The following MDH2 variants were observed in gnomAD, a reference collection of about 807,000 sequenced individuals.
The protein encoded by MDH2 is malate dehydrogenase, mitochondrial.
In MDH2, 25 loss-of-function variants were observed where a neutral mutation model predicts 33.6. The observed-to-expected ratio is 0.74, with a 90% CI of 0.54 to 1.04. The LOEUF is 1.04. Among genes scored for constraint, MDH2 ranks in the 50% least tolerant of loss-of-function variants. The probability of loss-of-function intolerance (pLI) is 0.00; values close to 1 mark genes in which losing one functional copy is unlikely to be tolerated. For missense variants in MDH2, 432 were observed against 445.0 expected, an observed-to-expected ratio of 0.97 and a Z score of 0.26; for synonymous variants, 193 against 188.7, an observed-to-expected ratio of 1.02 and a Z score of -0.19.
intron 4 of MDH2, 25 bp downstream of exon 4, chr7:76,058,103 T>A: frequency 6.3e-7 from 1 of 1,597,848 alleles, no homozygotes; most frequent in Non-Finnish European, 8.5e-7. Flanking sequence ...ACCCGGCTCT[T>A]GCAGCTATGG....
In MDH2 at chr7:76,064,819, A is replaced by G. The variant is rs782408477; in HGVS notation, c.751A>G (p.Met251Val). The stretch of plus-strand genomic sequence containing the variant: ...CCCCCTAGGCTCTGCCACCCTCTCC[A>G]TGGCGTATGCCGGCGCCCGCTTTGT... ...KAGAGSATLS[M>V]AYAGARFVFS... Residue 251 changes from methionine (M) to valine (V), a missense_variant, in exon 8 of 9, where the codon ATG becomes GTG. Coordinates refer to ENST00000315758, the MANE Select transcript of MDH2 (RefSeq NM_005918.4). The G allele has an allele frequency of 1.2e-6, 2 of 1,613,912 alleles. No homozygotes were observed. Among genetic ancestry groups the G allele is most frequent in the South Asian group, 2.2e-5 (2 of 91,064 alleles).
At chr7:76,053,085 T>A (rs996759122) in intron 1 of MDH2, among the ~76,000 whole-genome samples, 1 of 152,194 alleles carries the variant, frequency 6.6e-6, no homozygotes, top group Non-Finnish European at 1.5e-5. Flanking sequence ...CTAAGTTAGA[T>A]AACGGAATAG....
In MDH2 at chr7:76,052,111, G is replaced by A. The variant is rs150717751; in HGVS notation, c.67-2719G>A. ...TGTTGTGTTCACCTTATGTACACAT[G>A]GGACCCATCCATTTAAGCACCCTAG... On this transcript the variant is annotated intron_variant, in intron 1 of 8. Transcript: ENST00000315758. Among the ~76,000 whole-genome samples the A allele has an allele frequency of 3.1e-3, 467 of 152,264 alleles. 6 individuals carry two copies. Among genetic ancestry groups the A allele is most frequent in the African/African-American group, 0.011 (443 of 41,546 alleles).
Position 76,048,122 on chromosome 7 carries a change from C to T in MDH2, c.-39C>T, listed in dbSNP as rs1797371906. The T allele has an allele frequency of 1.3e-6, 2 of 1,536,620 alleles. No individual in the cohort carries two copies. The highest frequency in any genetic ancestry group is 1.7e-6 in the Non-Finnish European group (2 of 1,146,696). ...GTTGGAGTCACTTCCCCGTCACCAG[C>T]TCCTGTGCCTGCCAGTCGGTGCCCC... On this transcript the variant is annotated 5_prime_UTR_variant, in exon 1 of 9. Transcript: ENST00000315758.
chr7:76,066,916 A>G lies in MDH2; in HGVS notation c.*506A>G, dbSNP rs1450970473. On this transcript the variant is annotated 3_prime_UTR_variant, in exon 9 of 9. Coordinates refer to ENST00000315758, the MANE Select transcript of MDH2 (RefSeq NM_005918.4). Reference sequence around the variant, plus strand: ...CCAGGCAGCTGTTTTCTGGCTGAGCAAACAGCACCTTTCTCATTGAGCTTC... The same window carrying G: ...CCAGGCAGCTGTTTTCTGGCTGAGCGAACAGCACCTTTCTCATTGAGCTTC... 1 of 152,284 alleles carries G rather than the reference A, an allele frequency of 6.6e-6. No homozygotes were observed. The highest frequency in any genetic ancestry group is 1.5e-5 in the Non-Finnish European group (1 of 68,098). The allele number at this position is 152,284 out of a possible 1,614,324, so 9.4% of individuals were successfully genotyped here.
intron 3 of MDH2, among the ~76,000 whole-genome samples, 178 bp downstream of exon 3, chr7:76,057,671 TGCC>T (rs1456252873): frequency 6.6e-6 from 1 of 152,194 alleles, no homozygotes; most frequent in Non-Finnish European, 1.5e-5. Context: ...AAAGTCGTCT[TGCC>T]GTTCCCCTGT....
intron 5 of MDH2, among the ~76,000 whole-genome samples, chr7:76,061,642 T>TAAA (rs60567434): frequency 2.2e-5 from 3 of 134,820 alleles, no homozygotes; most frequent in Non-Finnish European, 3.3e-5. Flanking sequence ...CCTGTCTCTT[T>TAAA]AAAAAAAAAA....
intron 2 of MDH2, among the ~76,000 whole-genome samples, chr7:76,056,804 A>G (rs1397116045): frequency 6.6e-6 from 1 of 152,076 alleles, no homozygotes; most frequent in Non-Finnish European, 1.5e-5. Context: ...CTTGAGTTCA[A>G]GAGTTCAAAA....
At position 76,048,940 on chromosome 7, in the gene MDH2, A is replaced by G. The variant is rs1474324039; in HGVS notation, c.66+714A>G. The G allele has an allele frequency of 5.3e-6, 5 of 941,738 alleles. 1 individual carries two copies. In the African/African-American group the frequency reaches 8.2e-5, roughly 15 times the overall value. The allele number at this position is 941,738 out of a possible 1,614,324, so 58.3% of individuals were successfully genotyped here. On this transcript the variant is annotated intron_variant, in intron 1 of 8. Transcript: ENST00000315758. ...GTGTCAGAATCACCAGAAAGCTAAT[A>G]AAAAACAGACGTCTGGGTTCATTGA...
chr7:76,064,683 T>G (rs1476758126), intron 7 of MDH2, 119 bp from the exon 8 acceptor site: 20 of 1,186,556 alleles, frequency 1.7e-5, no homozygotes, highest in Non-Finnish European at 2.2e-5. Flanking sequence ...ATCGGGGTGC[T>G]GACTGAAATT....
At chr7:76,051,047 AT>A (rs1243793325) in intron 1 of MDH2, among the ~76,000 whole-genome samples, 2 of 150,838 alleles carry the variant, frequency 1.3e-5, no homozygotes, top group African/African-American at 2.4e-5. Flanking sequence ...CGCCCAACTA[AT>A]TTTTTTTTGT....
At chr7:76,066,101 G>A (rs1798088921) in intron 8 of MDH2, among the ~76,000 whole-genome samples, 178 bp from the exon 9 acceptor site, 1 of 152,004 alleles carries the variant, frequency 6.6e-6, no homozygotes, top group Non-Finnish European at 1.5e-5. Flanking sequence ...TCTGAGCCTC[G>A]CACTCCTGAC....
chr7:76,062,652 T>C (rs967018271), intron 5 of MDH2, among the ~76,000 whole-genome samples: 4 of 152,236 alleles, frequency 2.6e-5, no homozygotes, highest in African/African-American at 9.6e-5. Context: ...CAGTGGTGCA[T>C]GCCTGGAATC....
chr7:76,054,486 A>T, intron 1 of MDH2: 2 of 292,152 alleles, frequency 6.8e-6, no homozygotes, highest in South Asian at 3.3e-5. Context: ...GTTGCTAGGC[A>T]CTCAGTGTGT....
rs1216043868 is a variant in MDH2, at chr7:76,066,349, C to CT, written c.956_957insT (p.Ile320HisfsTer44). ...TTTGAGGAGAAGATGATCTCGGATG[C>CT]CATCCCCGAGCTGAAGGCCTCCATC... is the stretch of plus-strand genomic sequence containing the variant. On this transcript the variant is annotated frameshift_variant, in exon 9 of 9. Coordinates refer to ENST00000315758, the MANE Select transcript of MDH2 (RefSeq NM_005918.4). LOFTEE classifies it high-confidence loss of function. The CT allele has an allele frequency of 6.2e-7, 1 of 1,610,172 alleles. No homozygotes were observed. Among genetic ancestry groups the CT allele is most frequent in the Non-Finnish European group, 8.5e-7 (1 of 1,178,830 alleles).
chr7:76,048,953 C>CGGGCGCGG, intron 1 of MDH2: 2 of 907,946 alleles, frequency 2.2e-6, no homozygotes, highest in Non-Finnish European at 2.6e-6. Flanking sequence ...AAACAGACGT[C>CGGGCGCGG]TGGGTTCATT....
chr7:76,058,191 G>A, intron 4 of MDH2, 113 bp downstream of exon 4: 5 of 978,058 alleles, frequency 5.1e-6, no homozygotes, highest in Non-Finnish European at 7.6e-6. Flanking sequence ...GGGGATGGGG[G>A]GATACACAGA....
chr7:76,057,219 G>C (rs1797811113), intron 2 of MDH2, among the ~76,000 whole-genome samples, 191 bp from the exon 3 acceptor site: 1 of 152,174 alleles, frequency 6.6e-6, no homozygotes, highest in African/African-American at 2.4e-5. Flanking sequence ...AAGCAGGGTA[G>C]AAGGGGAGGG....
chr7:76,060,754 C>T (rs1468788081), intron 5 of MDH2, among the ~76,000 whole-genome samples: 1 of 151,992 alleles, frequency 6.6e-6, no homozygotes, highest in African/African-American at 2.4e-5. Flanking sequence ...TCGCCAAGAG[C>T]ACTGTGGGTT....
Sources: gnomAD v4.1 joint callset for allele counts (sites outside exome capture counted in the v4.1 genomes callset) on GRCh38, gnomAD v4.1.1 for gene constraint, MANE v1.5 for transcripts, NCBI Gene and HGNC (gene_info 2026-07-23, HGNC 2026-07-21) for gene names.